The following RNFT2 variants were observed in gnomAD, a reference collection of about 807,000 sequenced individuals.
The protein encoded by RNFT2 is ring finger protein, transmembrane 2, also known as E3 ubiquitin-protein ligase RNFT2.
Under a neutral mutation model 53.0 loss-of-function variants are expected in RNFT2, and 36 were observed. The ratio of observed to expected loss-of-function variants is 0.68; its 90% CI spans 0.52 to 0.90. RNFT2 has a LOEUF of 0.90. Ranked by LOEUF, RNFT2 falls within the 40% of genes least tolerant of loss-of-function variation. RNFT2 has a pLI of 0.00. For missense variants in RNFT2, 514 were observed against 585.6 expected (o/e 0.88, Z 1.26); for synonymous variants, 260 against 253.2 (o/e 1.03, Z -0.26).
At chr12:116,833,360 C>A (rs575572136) in intron 7 of RNFT2, among the ~76,000 whole-genome samples, 44 of 152,362 alleles carry the variant, frequency 2.9e-4, no homozygotes, top group Non-Finnish European at 4.8e-4. Context: ...CCTGCCCAGG[C>A]CCCTGAGAGC....
chr12:116,787,545 TA>T (rs1469933030), intron 7 of RNFT2, among the ~76,000 whole-genome samples: 1 of 151,676 alleles, frequency 6.6e-6, no homozygotes, highest in African/African-American at 2.4e-5. Context: ...ATCTTTATAA[TA>T]AAAATAAAAA....
At chr12:116,743,242 A>C (rs1435816043) in intron 3 of RNFT2, among the ~76,000 whole-genome samples, 2 of 95,126 alleles carry the variant, frequency 2.1e-5, no homozygotes, top group African/African-American at 1.0e-4. Context: ...AAAAAAAAAA[A>C]AACCGGTTAA....
chr12:116,790,574 T>C (rs1285222067), intron 7 of RNFT2, among the ~76,000 whole-genome samples: 1 of 152,226 alleles, frequency 6.6e-6, no homozygotes, highest in African/African-American at 2.4e-5. Context: ...AGGGCTCTAA[T>C]TCATTTCCAT....
intron 10 of RNFT2, among the ~76,000 whole-genome samples, chr12:116,842,950 G>A (rs761710513): frequency 6.6e-6 from 1 of 152,132 alleles, no homozygotes; most frequent in Non-Finnish European, 1.5e-5. Flanking sequence ...CCTGGACCCA[G>A]GCCTGGCTGC....
intron 3 of RNFT2, among the ~76,000 whole-genome samples, chr12:116,743,235 A>AAAAC (rs1871716627): frequency 8.7e-6 from 1 of 115,012 alleles, no homozygotes; most frequent in Non-Finnish European, 1.9e-5. Context: ...AAAAAAAAAA[A>AAAAC]AAAAAAAAAC....
In RNFT2 at chr12:116,842,568, A is replaced by ATTTG. The variant is rs138521237; in HGVS notation, c.1200+6307_1200+6310dup. On this transcript the variant is annotated intron_variant, in intron 10 of 10. Transcript: ENST00000257575. Reference sequence around the variant, plus strand: ...TGTTCCTACTTTATTTTATTTATTTATTTGTTTGTTTGTTTGTTTGTTTGA... The same window carrying ATTTG: ...TGTTCCTACTTTATTTTATTTATTTATTTGTTTGTTTGTTTGTTTGTTTGTTTGA... Among the ~76,000 whole-genome samples, 973 of 151,044 alleles carry ATTTG rather than the reference A, an allele frequency of 6.4e-3. 8 individuals carry two copies. The highest frequency in any genetic ancestry group is 0.017 in the African/African-American group (692 of 41,096).
intron 4 of RNFT2, among the ~76,000 whole-genome samples, chr12:116,750,630 T>C (rs1016628662): frequency 1.3e-5 from 2 of 151,536 alleles, no homozygotes; most frequent in African/African-American, 4.9e-5. Context: ...ACCCTAGCTC[T>C]GTCCCCTCCT....
intron 7 of RNFT2, chr12:116,782,079 C>CAAAAAAAAAAAAAAAAAACAAA (rs541955499): frequency 2.9e-5 from 1 of 34,348 alleles, no homozygotes; most frequent in Non-Finnish European, 5.3e-5. Flanking sequence ...ACTCCGTCTC[C>CAAAAAAAAAAAAAAAAAACAAA]AAAAAAAAAA....
chr12:116,756,453 T>C (rs947594645), intron 5 of RNFT2, among the ~76,000 whole-genome samples: 6 of 152,184 alleles, frequency 3.9e-5, no homozygotes, highest in African/African-American at 1.4e-4. Context: ...TTGTTTTATA[T>C]TGGCTGTGGG....
intron 7 of RNFT2, among the ~76,000 whole-genome samples, chr12:116,813,947 A>T (rs1875511139): frequency 6.6e-6 from 1 of 152,192 alleles, no homozygotes; most frequent in Admixed American, 6.5e-5. Flanking sequence ...ATTAAACAGG[A>T]CCATACCTTT....
intron 7 of RNFT2, among the ~76,000 whole-genome samples, chr12:116,781,440 T>G (rs1014304682): frequency 5.9e-5 from 9 of 152,128 alleles, no homozygotes; most frequent in African/African-American, 1.7e-4. Flanking sequence ...AACTTAGTGG[T>G]TTAAAGCAAC....
intron 7 of RNFT2, among the ~76,000 whole-genome samples, chr12:116,804,583 C>T (rs1316858546): frequency 6.6e-6 from 1 of 152,182 alleles, no homozygotes; most frequent in Non-Finnish European, 1.5e-5. Context: ...ACTACATATG[C>T]ACAAAAGTTT....
chr12:116,809,926 C>T (rs755451870), intron 7 of RNFT2, among the ~76,000 whole-genome samples: 17 of 152,164 alleles, frequency 1.1e-4, no homozygotes, highest in Non-Finnish European at 1.9e-4. Context: ...CCACCCACCT[C>T]GGCCTCCCAA....
At chr12:116,837,095 G>T (rs1040321820) in intron 10 of RNFT2, among the ~76,000 whole-genome samples, 2 of 152,134 alleles carry the variant, frequency 1.3e-5, no homozygotes, top group Non-Finnish European at 2.9e-5. Context: ...GTTTTTATTA[G>T]TCGTGGGTCA....
chr12:116,784,170 C>T (rs951900053), intron 7 of RNFT2, among the ~76,000 whole-genome samples: 4 of 152,202 alleles, frequency 2.6e-5, no homozygotes, highest in South Asian at 2.1e-4. Flanking sequence ...AGTTACTGCA[C>T]GGGGCATTGT....
At chr12:116,788,563 C>T (rs1874044297) in intron 7 of RNFT2, among the ~76,000 whole-genome samples, 1 of 152,142 alleles carries the variant, frequency 6.6e-6, no homozygotes, top group Non-Finnish European at 1.5e-5. Flanking sequence ...TATTCTGGCA[C>T]CCACCACTCT....
chr12:116,813,018 C>T (rs551593977), intron 7 of RNFT2, among the ~76,000 whole-genome samples: 38 of 152,296 alleles, frequency 2.5e-4, no homozygotes, highest in African/African-American at 8.2e-4. Flanking sequence ...TGCAGTGGCA[C>T]GATCACGATT....
chr12:116,836,318 G>T, intron 10 of RNFT2, 36 bp downstream of exon 10: 1 of 1,522,964 alleles, frequency 6.6e-7, no homozygotes. Context: ...TGGAGACCAA[G>T]GCTGGGGGAG....
chr12:116,764,811 G>C (rs1261394525), intron 5 of RNFT2, among the ~76,000 whole-genome samples: 2 of 152,202 alleles, frequency 1.3e-5, no homozygotes, highest in Admixed American at 6.5e-5. Context: ...AGAACCACTT[G>C]AACCCAGGAG....
Sources: gnomAD v4.1 joint callset for allele counts (sites outside exome capture counted in the v4.1 genomes callset) on GRCh38, gnomAD v4.1.1 for gene constraint, MANE v1.5 for transcripts, NCBI Gene and HGNC (gene_info 2026-07-23, HGNC 2026-07-21) for gene names.